MAGI1: variants seen among roughly 807,000 people sequenced by gnomAD.
MAGI1 encodes the protein membrane-associated guanylate kinase, WW and PDZ domain-containing protein 1.
MAGI1 carries 58 observed loss-of-function variants against 139.9 expected under a neutral mutation model. The observed-to-expected ratio is 0.41, with a 90% CI of 0.34 to 0.52. MAGI1 has a LOEUF of 0.52. MAGI1 is among the 20% of genes least tolerant of loss of function. MAGI1 has a pLI of 0.12. For synonymous variants in MAGI1, 812 were observed against 737.9 expected, an observed-to-expected ratio of 1.10 and a Z score of -1.63; for missense variants, 1,874 against 1,901.6, an observed-to-expected ratio of 0.99 and a Z score of 0.27.
chr3:65,369,182 T>C (rs1028917036), intron 18 of MAGI1, among the ~76,000 whole-genome samples: 3 of 152,030 alleles, frequency 2.0e-5, no homozygotes, highest in Non-Finnish European at 2.9e-5. Flanking sequence ...AGGTAAGGAC[T>C]CCCCCAACCT....
At chr3:65,660,293 C>A (rs997370210) in intron 1 of MAGI1, among the ~76,000 whole-genome samples, 4 of 152,228 alleles carry the variant, frequency 2.6e-5, no homozygotes, top group Non-Finnish European at 5.9e-5. Flanking sequence ...GGTAAACGGG[C>A]TTCGCCCTCT....
chr3:65,924,076 T>C (rs1415812386), intron 1 of MAGI1, among the ~76,000 whole-genome samples: 1 of 152,238 alleles, frequency 6.6e-6, no homozygotes, highest in Non-Finnish European at 1.5e-5. Flanking sequence ...CAAGGAGATG[T>C]ATGAATAATT....
chr3:65,492,465 G>A (rs1465248937), intron 3 of MAGI1, among the ~76,000 whole-genome samples: 1 of 152,074 alleles, frequency 6.6e-6, no homozygotes. Flanking sequence ...ATAAATTACG[G>A]TATGCCCATA....
At chr3:65,462,557 C>T (rs932271951) in intron 5 of MAGI1, among the ~76,000 whole-genome samples, 2 of 152,142 alleles carry the variant, frequency 1.3e-5, no homozygotes, top group Non-Finnish European at 2.9e-5. Flanking sequence ...TAGCATGATG[C>T]CTCCAGCTTT....
intron 17 of MAGI1, among the ~76,000 whole-genome samples, chr3:65,376,205 T>C (rs576499850): frequency 1.3e-5 from 2 of 152,306 alleles, no homozygotes; most frequent in African/African-American, 4.8e-5. Context: ...ATCCCCAGCT[T>C]TCCTCCTTAA....
intron 5 of MAGI1, 66 bp from the exon 6 acceptor site, chr3:65,453,406 G>A (rs2107498550): frequency 5.9e-6 from 7 of 1,183,264 alleles, no homozygotes; most frequent in Middle Eastern, 2.0e-4. Flanking sequence ...GAAGCCCAAT[G>A]ACGGAATTAC....
intron 1 of MAGI1, among the ~76,000 whole-genome samples, chr3:65,796,667 T>C (rs2040169955): frequency 6.6e-6 from 1 of 152,366 alleles, no homozygotes; most frequent in South Asian, 2.1e-4. Flanking sequence ...GCCTAAACCT[T>C]CTGAATAATA....
At chr3:65,765,350 G>A (rs918722601) in intron 1 of MAGI1, among the ~76,000 whole-genome samples, 1 of 152,166 alleles carries the variant, frequency 6.6e-6, no homozygotes, top group Non-Finnish European at 1.5e-5. Flanking sequence ...TTGAGGTAAG[G>A]CCAAGCATTT....
intron 1 of MAGI1, among the ~76,000 whole-genome samples, chr3:65,897,903 A>G (rs909817177): frequency 6.6e-6 from 1 of 151,880 alleles, no homozygotes; most frequent in Admixed American, 6.6e-5. Context: ...GGGGGAAAAA[A>G]AAAACTTAAT....
At chr3:65,812,854 C>T (rs1388049245) in intron 1 of MAGI1, among the ~76,000 whole-genome samples, 1 of 151,350 alleles carries the variant, frequency 6.6e-6, no homozygotes, top group Non-Finnish European at 1.5e-5. Context: ...GGACTACAGG[C>T]ATGCACCACC....
At chr3:65,483,214 T>C (rs1173732869) in intron 3 of MAGI1, among the ~76,000 whole-genome samples, 1 of 152,246 alleles carries the variant, frequency 6.6e-6, no homozygotes, top group Non-Finnish European at 1.5e-5. Context: ...TTATTTCAAC[T>C]CTGGCTCTCT....
intron 2 of MAGI1, among the ~76,000 whole-genome samples, chr3:65,553,908 T>A (rs1313139129): frequency 6.6e-6 from 1 of 152,218 alleles, no homozygotes; most frequent in Non-Finnish European, 1.5e-5. Flanking sequence ...AATACTTTCC[T>A]CGAGGTAATG....
rs11917393 is a variant in MAGI1 at position 65,400,249 on chromosome 3, C to T, written c.2199+1190G>A. 5.1e-3 allele frequency among the ~76,000 whole-genome samples: 781 copies of T among 152,250 alleles called. 4 individuals carry two copies. The highest frequency in any genetic ancestry group is 0.018 in the African/African-American group (748 of 41,560). The stretch of plus-strand genomic sequence containing the variant: ...GAAACCAGCCCTGAAGTCAAAGTTC[C>T]AATCACCACGGCACTATGCCATCGG... On this transcript the variant is annotated intron_variant, in intron 13 of 22. Coordinates refer to ENST00000402939, the MANE Select transcript of MAGI1 (RefSeq NM_001033057.2).
Position 65,391,275 on chromosome 3 carries a change from G to C in MAGI1, c.2283C>G (p.Ser761Arg), listed in dbSNP as rs1401699174. ...ACTCGGGGAGCACCTGTGTGCTGTG[G>C]CTTGGGGATGCTGTGTGCAGGCTTC... The part of the protein sequence containing the change: ...SHRSLHTASP[S>R]HSTQVLPEFP... The change falls in exon 14 of 23, where the codon AGC becomes AGG. Residue 761 changes from serine (S) to arginine (R), a missense_variant. This residue lies in a region of MAGI1 where 482 missense variants were observed against 509.6 expected (regional missense o/e 0.95). Transcript: ENST00000402939. The C allele has an allele frequency of 6.2e-7, 1 of 1,614,206 alleles. No homozygotes were observed. Among genetic ancestry groups the C allele is most frequent in the Admixed American group, 1.7e-5 (1 of 60,022 alleles).
intron 3 of MAGI1, among the ~76,000 whole-genome samples, chr3:65,486,388 C>A (rs527271870): frequency 1.3e-5 from 2 of 152,160 alleles, no homozygotes; most frequent in Non-Finnish European, 2.9e-5. Context: ...CCACCCTCCA[C>A]TGAATAGTTC....
intron 1 of MAGI1, among the ~76,000 whole-genome samples, chr3:66,030,737 C>T (rs763012638): frequency 1.5e-4 from 23 of 152,098 alleles, no homozygotes; most frequent in Non-Finnish European, 2.9e-4. Context: ...GGACAGGTCA[C>T]GGGCAGCCTT....
At chr3:65,402,658 T>G (rs990219065) in intron 12 of MAGI1, among the ~76,000 whole-genome samples, 1 of 152,142 alleles carries the variant, frequency 6.6e-6, no homozygotes, top group African/African-American at 2.4e-5. Context: ...TCAACTCTTT[T>G]GGAAGTGACT....
intron 1 of MAGI1, among the ~76,000 whole-genome samples, chr3:65,932,139 T>A (rs961328495): frequency 1.3e-5 from 2 of 152,234 alleles, no homozygotes; most frequent in African/African-American, 4.8e-5. Flanking sequence ...GTTTTATTTG[T>A]TAGGACAGAA....
At chr3:65,570,834 C>T (rs1355492376) in intron 2 of MAGI1, among the ~76,000 whole-genome samples, 1 of 152,188 alleles carries the variant, frequency 6.6e-6, no homozygotes, top group Non-Finnish European at 1.5e-5. Flanking sequence ...TTCTCACTCT[C>T]CTACCCCGTT....
Sources: gnomAD v4.1 joint callset for allele counts (sites outside exome capture counted in the v4.1 genomes callset) on GRCh38, gnomAD v4.1.1 for gene constraint, gnomAD v4.1.1 regional missense constraint, MANE v1.5 for transcripts, NCBI Gene and HGNC (gene_info 2026-07-23, HGNC 2026-07-21) for gene names.